The following IL1RAP variants were observed in gnomAD, a reference collection of about 807,000 sequenced individuals.
IL1RAP encodes interleukin 1 receptor accessory protein, also known as interleukin-1 receptor accessory protein.
IL1RAP carries 35 observed loss-of-function variants against 60.7 expected under a neutral mutation model. The observed-to-expected ratio is 0.58, with a 90% CI of 0.44 to 0.76. IL1RAP has a LOEUF of 0.76. Among genes scored for constraint, IL1RAP ranks in the 30% least tolerant of loss-of-function variants. The pLI is 0.00. For synonymous variants in IL1RAP, 268 were observed against 250.9 expected (o/e 1.07, Z -0.64); for missense variants, 572 against 693.9 (o/e 0.82, Z 1.97).
At chr3:190,614,594 G>A (rs1008259943) in intron 5 of IL1RAP, among the ~76,000 whole-genome samples, 2 of 152,152 alleles carry the variant, frequency 1.3e-5, no homozygotes, top group Admixed American at 6.5e-5. Flanking sequence ...TTATCGTTGA[G>A]GAACCAAGGT....
At chr3:190,608,465 G>T (rs760063334) in intron 4 of IL1RAP, among the ~76,000 whole-genome samples, 13 of 152,162 alleles carry the variant, frequency 8.5e-5, no homozygotes, top group Admixed American at 3.3e-4. Context: ...ACTGGAAGTT[G>T]TTCTGGGAGA....
In IL1RAP at chr3:190,629,861, G is replaced by C. The variant is rs900558959; in HGVS notation, c.1051+363G>C. On this transcript the variant is annotated intron_variant, in intron 9 of 11. Coordinates refer to ENST00000447382, the MANE Select transcript of IL1RAP (RefSeq NM_002182.4). ...CCACATATTGTTGGTGAATTATTAA[G>C]ACCCTTTTAAAAATCATTCATGGTA... The C allele has an allele frequency of 9.1e-6, 9 of 987,146 alleles. No homozygotes were observed. The African/African-American group carries it at 1.6e-4, about 17-fold the overall frequency. 61.1% of individuals were successfully genotyped at this position (987,146 alleles called of 1,614,324 possible).
At chr3:190,553,832 G>A (rs1477829368) in intron 1 of IL1RAP, among the ~76,000 whole-genome samples, 2 of 151,876 alleles carry the variant, frequency 1.3e-5, no homozygotes, top group Non-Finnish European at 2.9e-5. Context: ...AGGCCGAGGC[G>A]GGCGGATCAC....
intron 9 of IL1RAP, chr3:190,630,365 G>A (rs537899082): frequency 3.2e-4 from 63 of 199,894 alleles, no homozygotes; most frequent in Non-Finnish European, 5.1e-4. Context: ...TGTTTTCAAT[G>A]GTCTTGAGAA....
intron 1 of IL1RAP, among the ~76,000 whole-genome samples, chr3:190,528,501 G>T (rs1722699343): frequency 6.6e-6 from 1 of 152,160 alleles, no homozygotes; most frequent in East Asian, 1.9e-4. Context: ...GGTTTCAGTT[G>T]CCTGCGTTAA....
At chr3:190,637,776 C>G (rs1380832108) in intron 9 of IL1RAP, among the ~76,000 whole-genome samples, 1 of 151,966 alleles carries the variant, frequency 6.6e-6, no homozygotes, top group Non-Finnish European at 1.5e-5. Flanking sequence ...CCTTTCTACC[C>G]CCACCTTCCC....
intron 9 of IL1RAP, among the ~76,000 whole-genome samples, chr3:190,635,381 C>T (rs1188589385): frequency 6.6e-6 from 1 of 151,978 alleles, no homozygotes; most frequent in African/African-American, 2.4e-5. Flanking sequence ...TTATTTTCCT[C>T]TTTTTGCATA....
chr3:190,638,168 G>A (rs1188023874), intron 9 of IL1RAP, among the ~76,000 whole-genome samples: 2 of 151,944 alleles, frequency 1.3e-5, no homozygotes, highest in African/African-American at 4.8e-5. Flanking sequence ...CCTATGAGTG[G>A]AATTACTGAC....
intron 6 of IL1RAP, 49 bp downstream of exon 6, chr3:190,620,489 G>T (rs1046273299): frequency 1.3e-6 from 2 of 1,491,414 alleles, no homozygotes; most frequent in African/African-American, 1.4e-5. Context: ...TGATCATCTT[G>T]TTATGGTTTT....
chr3:190,646,190 C>A (rs12491782), intron 11 of IL1RAP, among the ~76,000 whole-genome samples: 6,375 of 152,204 alleles, frequency 0.042, 325 homozygotes, highest in East Asian at 0.27. Flanking sequence ...TGGTCTAGAA[C>A]TGTTTTACAA....
intron 1 of IL1RAP, among the ~76,000 whole-genome samples, chr3:190,522,289 G>GCTTGCTTC (rs1481738684): frequency 0.015 from 2,028 of 135,420 alleles, 19 homozygotes; most frequent in Non-Finnish European, 0.023. Context: ...GCCTTCCTTT[G>GCTTGCTTC]CTTCCTTCCT....
intron 1 of IL1RAP, among the ~76,000 whole-genome samples, chr3:190,538,953 C>A (rs1723702104): frequency 6.6e-6 from 1 of 152,160 alleles, no homozygotes; most frequent in South Asian, 2.1e-4. Flanking sequence ...GAAGCCTCCC[C>A]AGCCATGCTG....
At chr3:190,630,601 T>C (rs1200897906) in intron 9 of IL1RAP, among the ~76,000 whole-genome samples, 2 of 152,216 alleles carry the variant, frequency 1.3e-5, no homozygotes, top group Non-Finnish European at 2.9e-5. Context: ...CTGAAATGTA[T>C]ATGCTGCGTA....
intron 3 of IL1RAP, among the ~76,000 whole-genome samples, chr3:190,586,775 G>A (rs1406538820): frequency 6.6e-6 from 1 of 151,774 alleles, no homozygotes; most frequent in African/African-American, 2.4e-5. Context: ...TTTAAAAGTG[G>A]GTGTTGTGAG....
chr3:190,580,975 A>G (rs1036886996), intron 3 of IL1RAP, among the ~76,000 whole-genome samples: 3 of 152,330 alleles, frequency 2.0e-5, no homozygotes, highest in Non-Finnish European at 2.9e-5. Flanking sequence ...CTGTATGTCA[A>G]TCATACCTCA....
intron 1 of IL1RAP, among the ~76,000 whole-genome samples, chr3:190,533,816 A>C (rs1331737433): frequency 6.6e-6 from 1 of 152,190 alleles, no homozygotes; most frequent in Non-Finnish European, 1.5e-5. Context: ...AGTCCGAGTC[A>C]GGCCAGACAA....
intron 1 of IL1RAP, among the ~76,000 whole-genome samples, chr3:190,526,820 C>G (rs906588799): frequency 2.6e-5 from 4 of 152,182 alleles, no homozygotes; most frequent in Non-Finnish European, 4.4e-5. Context: ...TATTAACTTT[C>G]TTTTAAAAAT....
At position 190,648,694 on chromosome 3, in the gene IL1RAP, A is replaced by G; in HGVS notation, c.1702A>G (p.Lys568Glu). Reference sequence around the variant, plus strand: ...GCAGGGCCTCTCGTATTCATCTTTGAAAAATGTATGAAAGGAATAATGAAA... The same window carrying G: ...GCAGGGCCTCTCGTATTCATCTTTGGAAAATGTATGAAAGGAATAATGAAA... The part of the protein sequence containing the change: ...DEQGLSYSSL[K>E]NV Residue 568 changes from lysine (K) to glutamate (E), a missense_variant, in exon 12 of 12, where the codon AAA (lysine) becomes GAA (glutamate). Physicochemically the swap from Lys to Glu is moderately conservative, Grantham distance 56. Transcript: ENST00000447382. 1 of 1,609,178 alleles carries G rather than the reference A, an allele frequency of 6.2e-7. No homozygotes were observed. Among genetic ancestry groups the G allele is most frequent in the Non-Finnish European group, 8.5e-7 (1 of 1,178,274 alleles).
In IL1RAP at chr3:190,642,313, G is replaced by A. The variant is rs74651271; in HGVS notation, c.1052-1935G>A. 0.026 allele frequency: 3,922 copies of A among 152,986 alleles called. 299 individuals are homozygous for A. In the East Asian group the frequency reaches 0.31, roughly 12 times the overall value. The allele number at this position is 152,986 out of a possible 1,614,324, so 9.5% of individuals were successfully genotyped here. A position where few individuals can be genotyped will look rare whatever the true frequency, so the allele number is the denominator to read the frequency against. Reference sequence around the variant, plus strand: ...AGCTGCGCACTCAGTGGAAGAGGACGACCATCTGCAATAGAGGGGGACTGG... The same window carrying A: ...AGCTGCGCACTCAGTGGAAGAGGACAACCATCTGCAATAGAGGGGGACTGG... On this transcript the variant is annotated intron_variant, in intron 9 of 11. Coordinates refer to ENST00000447382, the MANE Select transcript of IL1RAP (RefSeq NM_002182.4).
Sources: gnomAD v4.1 joint callset for allele counts (sites outside exome capture counted in the v4.1 genomes callset) on GRCh38, gnomAD v4.1.1 for gene constraint, MANE v1.5 for transcripts, NCBI Gene and HGNC (gene_info 2026-07-23, HGNC 2026-07-21) for gene names.